Variants in NYAP2 observed in about 807,000 individuals in gnomAD.
NYAP2 encodes neuronal tyrosine-phosphorylated phosphoinositide-3-kinase adapter 2.
A neutral mutation model predicts 50.4 loss-of-function variants in NYAP2; 23 were observed. That is an observed-to-expected ratio of 0.46 (90% CI 0.33 to 0.65). NYAP2 has a LOEUF of 0.65. Among genes scored for constraint, NYAP2 ranks in the 30% least tolerant of loss-of-function variants. NYAP2 has a pLI of 0.02. For synonymous variants in NYAP2, 394 were observed against 365.2 expected (o/e 1.08, Z -0.90); for missense variants, 885 against 861.0 (o/e 1.03, Z -0.35).
chr2:225,576,633 A>G (rs6708506), intron 4 of NYAP2, among the ~76,000 whole-genome samples: 139,865 of 152,244 alleles, frequency 0.92, 64,371 homozygotes, highest in Middle Eastern at 0.98. Flanking sequence ...TCCTGCTTGA[A>G]TTACTTATTT....
intron 4 of NYAP2, among the ~76,000 whole-genome samples, chr2:225,530,931 CCTAT>C (rs1691243521): frequency 6.6e-6 from 1 of 152,150 alleles, no homozygotes; most frequent in African/African-American, 2.4e-5. Context: ...CTTTTATGCT[CCTAT>C]CTCATTCAGG....
intron 5 of NYAP2, among the ~76,000 whole-genome samples, chr2:225,594,584 A>G (rs1420259534): frequency 6.6e-6 from 1 of 152,218 alleles, no homozygotes; most frequent in Non-Finnish European, 1.5e-5. Context: ...TTTGTTGGAA[A>G]GACATTGCAT....
intron 4 of NYAP2, among the ~76,000 whole-genome samples, chr2:225,547,333 A>G (rs761766753): frequency 3.9e-5 from 6 of 152,194 alleles, no homozygotes; most frequent in Non-Finnish European, 8.8e-5. Flanking sequence ...CTGTCTCACT[A>G]GATCATGTGC....
At chr2:225,663,401 C>A in the NYAP2 span, among the ~76,000 whole-genome samples, 1 of 152,288 alleles carries the variant, frequency 6.6e-6, no homozygotes, top group South Asian at 2.1e-4. Flanking sequence ...AAGGTGCCCA[C>A]TGCCCACAGC....
chr2:225,402,993 G>T (rs1332012934), intron 2 of NYAP2, among the ~76,000 whole-genome samples: 1 of 151,980 alleles, frequency 6.6e-6, no homozygotes, highest in Non-Finnish European at 1.5e-5. Flanking sequence ...TTTTACATAT[G>T]TATCAGAAGC....
the NYAP2 span, among the ~76,000 whole-genome samples, chr2:225,666,608 T>C: frequency 3.3e-5 from 5 of 152,202 alleles, no homozygotes; most frequent in Non-Finnish European, 2.9e-5. Context: ...TGAGTTTGTT[T>C]AAACACTTGA....
downstream of NYAP2, among the ~76,000 whole-genome samples, chr2:225,658,909 T>C (rs1292918864): frequency 6.6e-6 from 1 of 152,242 alleles, no homozygotes; most frequent in African/African-American, 2.4e-5. Context: ...TGCGTGCTTA[T>C]TAACTTTTAC....
At chr2:225,506,688 CT>C (rs1690712933) in intron 3 of NYAP2, among the ~76,000 whole-genome samples, 1 of 152,138 alleles carries the variant, frequency 6.6e-6, no homozygotes, top group Non-Finnish European at 1.5e-5. Flanking sequence ...TTAAATCATA[CT>C]TTTAATGAAG....
intron 4 of NYAP2, among the ~76,000 whole-genome samples, chr2:225,566,913 A>ATG (rs1491391873): frequency 6.6e-6 from 1 of 151,958 alleles, no homozygotes; most frequent in Non-Finnish European, 1.5e-5. Flanking sequence ...ACTTACAGTA[A>ATG]TATGTGTGTG....
chr2:225,658,421 A>T (rs1693861509), downstream of NYAP2, among the ~76,000 whole-genome samples: 1 of 152,210 alleles, frequency 6.6e-6, no homozygotes, highest in Admixed American at 6.5e-5. Context: ...AGATTATGTT[A>T]AAAAGAAATT....
intron 5 of NYAP2, among the ~76,000 whole-genome samples, chr2:225,622,683 G>A (rs1050002358): frequency 2.0e-5 from 3 of 150,898 alleles, no homozygotes; most frequent in African/African-American, 4.9e-5. Context: ...GGGTTCAAGC[G>A]ATTCTTATGC....
chr2:225,667,677 C>T, the NYAP2 span, among the ~76,000 whole-genome samples: 1 of 152,136 alleles, frequency 6.6e-6, no homozygotes, highest in African/African-American at 2.4e-5. Context: ...GAAGAGAGCC[C>T]TTCCCTGAAC....
chr2:225,572,336 G>T (rs1216745392), intron 4 of NYAP2, among the ~76,000 whole-genome samples: 1 of 152,184 alleles, frequency 6.6e-6, no homozygotes, highest in African/African-American at 2.4e-5. Flanking sequence ...AACTGCCTGA[G>T]ACTGGGTAAT....
intron 4 of NYAP2, among the ~76,000 whole-genome samples, chr2:225,556,036 T>C (rs534633602): frequency 6.6e-6 from 1 of 152,326 alleles, no homozygotes; most frequent in South Asian, 2.1e-4. Flanking sequence ...TTGTTTATTG[T>C]CTAAGTCCTA....
At chr2:225,554,300 C>G (rs955255590) in intron 4 of NYAP2, among the ~76,000 whole-genome samples, 2 of 146,996 alleles carry the variant, frequency 1.4e-5, no homozygotes, top group African/African-American at 2.5e-5. Context: ...CCATATAAAA[C>G]TGTCATCAGA....
chr2:225,423,257 T>G (rs1387320149), intron 3 of NYAP2, among the ~76,000 whole-genome samples: 3 of 152,190 alleles, frequency 2.0e-5, no homozygotes, highest in South Asian at 4.1e-4. Context: ...GGCTTGTGGA[T>G]TTGTCATTAA....
At chr2:225,572,466 G>A (rs1162749323) in intron 4 of NYAP2, among the ~76,000 whole-genome samples, 1 of 152,178 alleles carries the variant, frequency 6.6e-6, no homozygotes, top group African/African-American at 2.4e-5. Context: ...ATGAGTGCCA[G>A]CAGTGGAAAT....
intron 3 of NYAP2, among the ~76,000 whole-genome samples, chr2:225,496,145 G>A (rs1165303092): frequency 4.6e-5 from 7 of 152,094 alleles, no homozygotes; most frequent in Admixed American, 4.6e-4. Context: ...TCCAAAAGGG[G>A]GTCAAAGGAG....
At chr2:225,619,622 T>A (rs1693054653) in intron 5 of NYAP2, among the ~76,000 whole-genome samples, 1 of 151,800 alleles carries the variant, frequency 6.6e-6, no homozygotes. Context: ...AGGACACAGA[T>A]GGAGAGGGAG....
Sources: allele counts gnomAD v4.1 joint callset (sites outside exome capture counted in the v4.1 genomes callset), GRCh38; gene constraint gnomAD v4.1.1; transcripts MANE v1.5; gene names NCBI Gene and HGNC (gene_info 2026-07-23, HGNC 2026-07-21).